Variants in TTC23 observed in about 807,000 individuals in gnomAD.
TTC23 encodes tetratricopeptide repeat protein 23.
Under a neutral mutation model 55.1 loss-of-function variants are expected in TTC23, and 58 were observed. The observed-to-expected ratio is 1.05, with a 90% CI of 0.85 to 1.31. TTC23 has a LOEUF of 1.31. Among genes scored for constraint, TTC23 ranks in the 50% most tolerant of loss-of-function variants. TTC23 has a pLI of 0.00. For missense variants in TTC23, 516 were observed against 534.4 expected, an observed-to-expected ratio of 0.97 and a Z score of 0.34; for synonymous variants, 203 against 199.9, an observed-to-expected ratio of 1.02 and a Z score of -0.13.
At chr15:99,191,325 G>C (rs1203257534) in intron 9 of TTC23, among the ~76,000 whole-genome samples, 1 of 152,244 alleles carries the variant, frequency 6.6e-6, no homozygotes, top group African/African-American at 2.4e-5. Context: ...TGTGGGGAAT[G>C]CTTCTCTAAA....
At chr15:99,234,827 A>C (rs914675858) in intron 4 of TTC23, among the ~76,000 whole-genome samples, 161 bp downstream of exon 4, 3 of 152,190 alleles carry the variant, frequency 2.0e-5, no homozygotes, top group African/African-American at 7.2e-5. Flanking sequence ...ACTAAGATTA[A>C]AAAGACTTAT....
At chr15:99,228,320 C>T in intron 5 of TTC23, 1 of 403,964 alleles carries the variant, frequency 2.5e-6, no homozygotes, top group East Asian at 3.6e-5. Flanking sequence ...ACAGTGCGAG[C>T]TCAACAAATA....
intron 3 of TTC23, among the ~76,000 whole-genome samples, chr15:99,239,982 T>C (rs1301302955): frequency 6.6e-6 from 1 of 152,210 alleles, no homozygotes; most frequent in African/African-American, 2.4e-5. Context: ...CCTGGTCTTC[T>C]CATAATTTGG....
intron 9 of TTC23, 63 bp downstream of exon 9, chr15:99,199,856 A>G (rs2076055396): frequency 6.7e-7 from 1 of 1,483,340 alleles, no homozygotes; most frequent in Admixed American, 2.1e-5. Context: ...CTGCTGTGCC[A>G]CTTGTGTCTA....
Position 99,233,706 on chromosome 15 carries a change from T to A in TTC23, c.-21+1282A>T, listed in dbSNP as rs1450220737. On this transcript the variant is annotated intron_variant, in intron 4 of 13. Coordinates refer to ENST00000394132, the MANE Select transcript of TTC23 (RefSeq NM_001288615.3). The stretch of plus-strand genomic sequence containing the variant: ...ACAAGACAAGAAGGTTCACTCTCAA[T>A]ACTTCTATACAGATTTTAGATTTTA... Among the ~76,000 whole-genome samples, 3 of 152,228 alleles carry A rather than the reference T, an allele frequency of 2.0e-5. No individual in the cohort carries two copies. In the South Asian group the frequency reaches 6.2e-4, roughly 31 times the overall value.
chr15:99,248,082 A>C (rs1402120467), intron 1 of TTC23: 1 of 152,228 alleles, frequency 6.6e-6, no homozygotes, highest in African/African-American at 2.4e-5. Flanking sequence ...AAAATCTTAA[A>C]GAAGTAAACT....
chr15:99,198,678 C>T (rs1196360798), intron 9 of TTC23, among the ~76,000 whole-genome samples: 1 of 152,086 alleles, frequency 6.6e-6, no homozygotes, highest in East Asian at 1.9e-4. Context: ...TCCTTATCTA[C>T]AAATGGGAAA....
At chr15:99,216,972 G>A (rs2077520328) in intron 8 of TTC23, among the ~76,000 whole-genome samples, 1 of 152,158 alleles carries the variant, frequency 6.6e-6, no homozygotes, top group African/African-American at 2.4e-5. Context: ...GAGAGCTGGG[G>A]ACAAGCTGAA....
intron 10 of TTC23, among the ~76,000 whole-genome samples, chr15:99,171,104 G>C (rs1238836072): frequency 6.6e-6 from 1 of 152,250 alleles, no homozygotes; most frequent in African/African-American, 2.4e-5. Flanking sequence ...ACTTCACGGT[G>C]CTGCAGGACA....
At chr15:99,217,896 G>C (rs908817837) in intron 8 of TTC23, among the ~76,000 whole-genome samples, 1 of 152,182 alleles carries the variant, frequency 6.6e-6, no homozygotes, top group African/African-American at 2.4e-5. Context: ...AAGGTAAACT[G>C]AATTCTTCCG....
chr15:99,205,004 T>G (rs2076505462), intron 8 of TTC23, among the ~76,000 whole-genome samples: 1 of 152,188 alleles, frequency 6.6e-6, no homozygotes, highest in Non-Finnish European at 1.5e-5. Context: ...CTAGTTTCAT[T>G]CTTATGAATA....
chr15:99,149,137 T>C (rs1555495606), intron 12 of TTC23, among the ~76,000 whole-genome samples: 1 of 152,212 alleles, frequency 6.6e-6, no homozygotes, highest in East Asian at 1.9e-4. Context: ...ATGCTAAATA[T>C]GGCATTTGAG....
At chr15:99,151,045 C>T (rs1276975124) in intron 12 of TTC23, among the ~76,000 whole-genome samples, 1 of 152,176 alleles carries the variant, frequency 6.6e-6, no homozygotes, top group Non-Finnish European at 1.5e-5. Flanking sequence ...CCGTAGATCC[C>T]AGTATGGACC....
At chr15:99,250,936 G>A (rs2080684802), upstream of TTC23, among the ~76,000 whole-genome samples, 2 of 152,108 alleles carry the variant, frequency 1.3e-5, no homozygotes, top group South Asian at 2.1e-4. Context: ...GTTTTTCAAC[G>A]GTCAGACTGG....
chr15:99,157,089 G>A (rs1255191610), intron 11 of TTC23: 2 of 150,178 alleles, frequency 1.3e-5, no homozygotes, highest in East Asian at 1.9e-4. Context: ...GGGCTCAGCT[G>A]TGGTGGTGCT....
Position 99,221,860 on chromosome 15 carries a change from T to A in TTC23, c.185A>T (p.Lys62Ile), listed in dbSNP as rs140524382. ...AKSYSNSHEY[K>I]QAVHELVRCV... ...ACGCACAAGCTCATGGACGGCCTGT[T>A]TGTACTGTTAGGAAGAGAAAACAGG... The change falls in exon 6 of 14, where the codon AAA (lysine) becomes ATA (isoleucine). Residue 62 changes from lysine (K) to isoleucine (I), a missense_variant. Lys to Ile is a moderately radical substitution (Grantham distance 102, BLOSUM62 -3). Coordinates refer to ENST00000394132, the MANE Select transcript of TTC23 (RefSeq NM_001288615.3). 6.8e-6 allele frequency: 11 copies of A among 1,614,020 alleles called. No homozygotes were observed.
At chr15:99,162,397 AAC>A (rs1388571301) in intron 10 of TTC23, among the ~76,000 whole-genome samples, 1 of 152,244 alleles carries the variant, frequency 6.6e-6, no homozygotes, top group Non-Finnish European at 1.5e-5. Context: ...GTTATAATAT[AAC>A]ACAAATATTT....
chr15:99,200,475 G>GT lies in TTC23; in HGVS notation c.582-380dup. ...GTAAGTGCTATATGGGTAGGTATTG[G>GT]TTTAAAAACTGTTAAATACTTTACA... On this transcript the variant is annotated intron_variant, in intron 8 of 13. Coordinates refer to ENST00000394132, the MANE Select transcript of TTC23 (RefSeq NM_001288615.3). Among the ~76,000 whole-genome samples the GT allele has an allele frequency of 2.0e-5, 3 of 152,294 alleles. No homozygotes were observed. The Middle Eastern group carries it at 0.01, about 518-fold the overall frequency.
intron 4 of TTC23, among the ~76,000 whole-genome samples, chr15:99,232,879 T>C (rs1250145214): frequency 6.6e-6 from 1 of 152,174 alleles, no homozygotes; most frequent in African/African-American, 2.4e-5. Context: ...AGATACGGTG[T>C]TAATGTAAAT....
Sources: allele counts gnomAD v4.1 joint callset (sites outside exome capture counted in the v4.1 genomes callset), GRCh38; gene constraint gnomAD v4.1.1; transcripts MANE v1.5; gene names NCBI Gene and HGNC (gene_info 2026-07-23, HGNC 2026-07-21).